DOCK4: variants seen among roughly 807,000 people sequenced by gnomAD.
The protein encoded by DOCK4 is dedicator of cytokinesis 4, also known as dedicator of cytokinesis protein 4.
Under a neutral mutation model 268.1 loss-of-function variants are expected in DOCK4, and 97 were observed. The ratio of observed to expected loss-of-function variants is 0.36; its 90% CI spans 0.31 to 0.43. The LOEUF (loss-of-function observed/expected upper bound fraction) is 0.43, where lower values mean the gene tolerates loss of function less well. DOCK4 is among the 20% of genes least tolerant of loss of function. The pLI is 1.00. For synonymous variants in DOCK4, 954 were observed against 887.2 expected (o/e 1.08, Z -1.34); for missense variants, 2,145 against 2,455.7 (o/e 0.87, Z 2.67).
At chr7:112,017,941 T>C (rs1277075288) in intron 1 of DOCK4, among the ~76,000 whole-genome samples, 1 of 151,646 alleles carries the variant, frequency 6.6e-6, no homozygotes, top group South Asian at 2.1e-4. Context: ...GCATTCATGG[T>C]TCTTCCTAAA....
chr7:112,197,934 C>G (rs1313142913), intron 1 of DOCK4, among the ~76,000 whole-genome samples: 6 of 102,022 alleles, frequency 5.9e-5, no homozygotes, highest in Non-Finnish European at 9.7e-5. Context: ...GGTGGCCAAA[C>G]AAAAATCTTC....
intron 1 of DOCK4, among the ~76,000 whole-genome samples, chr7:112,154,315 T>G (rs890396742): frequency 5.9e-5 from 9 of 152,258 alleles, no homozygotes; most frequent in Admixed American, 1.3e-4. Flanking sequence ...ATAAGTAATC[T>G]TTAAACAACA....
intron 1 of DOCK4, among the ~76,000 whole-genome samples, chr7:112,103,562 G>T (rs1418924425): frequency 1.3e-5 from 2 of 152,172 alleles, no homozygotes; most frequent in Non-Finnish European, 2.9e-5. Context: ...ATAGATTGGT[G>T]AAAGATGATC....
chr7:111,994,812 T>C lies in DOCK4; in HGVS notation c.219-581A>G, dbSNP rs374445905. Among the ~76,000 whole-genome samples, 23 of 152,300 alleles carry C rather than the reference T, an allele frequency of 1.5e-4. No homozygotes were observed. In the East Asian group the frequency reaches 4.3e-3, roughly 28 times the overall value. ...ATGATTAGTATTCTAAGTAATGTTATCATACAGCATAGAACTTATGGCTTA... is the reference window on the plus strand; with the variant it reads ...ATGATTAGTATTCTAAGTAATGTTACCATACAGCATAGAACTTATGGCTTA... On this transcript the variant is annotated intron_variant, in intron 4 of 52. Transcript: ENST00000428084.
At chr7:112,157,786 C>A (rs1816757418) in intron 1 of DOCK4, among the ~76,000 whole-genome samples, 1 of 152,108 alleles carries the variant, frequency 6.6e-6, no homozygotes, top group African/African-American at 2.4e-5. Flanking sequence ...AGGAGGAGTT[C>A]TTGGAAAAGC....
rs1268288674 is a variant in DOCK4, at chr7:111,728,397, C to A, written c.5805G>T (p.Ser1935=). ...LPHSLSIPVT[S]EPPALPPKPL... is the part of the protein sequence containing the mutation. ...GCTTGGGGGGCAGCGCGGGCGGCTC[C>A]GACGTGACGGGGATGGAGAGGCTGT... Residue 1935 remains serine (S), a synonymous_variant, in exon 53 of 53, where the codon TCG becomes TCT. Transcript: ENST00000428084. The A allele has an allele frequency of 1.3e-6, 2 of 1,560,842 alleles. No homozygotes were observed. The highest frequency in any genetic ancestry group is 1.7e-6 in the Non-Finnish European group (2 of 1,151,954).
At chr7:112,191,125 G>A (rs915740651) in intron 1 of DOCK4, among the ~76,000 whole-genome samples, 3 of 152,142 alleles carry the variant, frequency 2.0e-5, no homozygotes, top group Non-Finnish European at 4.4e-5. Flanking sequence ...TGTTGCCCAG[G>A]CTAGAGTGCA....
At chr7:112,006,610 TG>T (rs1800886616) in intron 1 of DOCK4, among the ~76,000 whole-genome samples, 1 of 152,252 alleles carries the variant, frequency 6.6e-6, no homozygotes, top group South Asian at 2.1e-4. Context: ...GGCCTTCAGA[TG>T]GTTCCTCTAT....
intron 7 of DOCK4, among the ~76,000 whole-genome samples, chr7:111,980,155 C>G (rs1443598019): frequency 6.6e-6 from 1 of 152,140 alleles, no homozygotes; most frequent in Non-Finnish European, 1.5e-5. Flanking sequence ...ATAAGCCTGC[C>G]TGACTCTACC....
At chr7:111,943,159 A>C (rs564719170) in intron 10 of DOCK4, among the ~76,000 whole-genome samples, 12 of 152,376 alleles carry the variant, frequency 7.9e-5, no homozygotes, top group African/African-American at 2.9e-4. Flanking sequence ...TCATTTGCCC[A>C]AAACTGAAGA....
chr7:111,794,591 G>T (rs982105902), intron 30 of DOCK4, among the ~76,000 whole-genome samples: 1 of 152,062 alleles, frequency 6.6e-6, no homozygotes, highest in Non-Finnish European at 1.5e-5. Flanking sequence ...GAGGGGCAAG[G>T]TTGTCAAATG....
At chr7:111,957,932 T>C (rs1173221258) in intron 8 of DOCK4, among the ~76,000 whole-genome samples, 1 of 151,702 alleles carries the variant, frequency 6.6e-6, no homozygotes, top group Admixed American at 6.6e-5. Context: ...TTTTATGTAC[T>C]TTTTTTAGCA....
At chr7:111,843,627 A>C (rs1308030832) in intron 25 of DOCK4, among the ~76,000 whole-genome samples, 1 of 152,238 alleles carries the variant, frequency 6.6e-6, no homozygotes, top group Non-Finnish European at 1.5e-5. Context: ...TATATATAGT[A>C]GAGCTACTAT....
At chr7:112,075,688 C>T (rs563759479) in intron 1 of DOCK4, among the ~76,000 whole-genome samples, 4 of 152,162 alleles carry the variant, frequency 2.6e-5, no homozygotes, top group African/African-American at 9.6e-5. Flanking sequence ...AGTACTTCAA[C>T]CTGGATGTAA....
chr7:111,833,126 A>G (rs1229430966), intron 26 of DOCK4, among the ~76,000 whole-genome samples: 1 of 152,240 alleles, frequency 6.6e-6, no homozygotes, highest in Non-Finnish European at 1.5e-5. Context: ...AACTGTGTTA[A>G]GAATACAGCT....
At chr7:111,820,016 A>C (rs2077583585) in intron 27 of DOCK4, 1 of 152,222 alleles carries the variant, frequency 6.6e-6, no homozygotes, top group Non-Finnish European at 1.5e-5. Context: ...TGTCCTTAAC[A>C]TCTTTCAGAA....
Position 111,989,099 on chromosome 7 carries a change from C to T in DOCK4, c.380G>A (p.Arg127Gln), listed in dbSNP as rs540082296. 9 of 1,614,014 alleles carry T rather than the reference C, an allele frequency of 5.6e-6. 1 individual carries two copies. In the South Asian group the frequency reaches 6.6e-5, roughly 12 times the overall value. The change falls in exon 6 of 53, where the codon CGG (arginine) becomes CAG (glutamine). Residue 127 changes from arginine (R) to glutamine (Q), a missense_variant. Physicochemically the swap from Arg to Gln is conservative, Grantham distance 43. Coordinates refer to ENST00000428084, the MANE Select transcript of DOCK4 (RefSeq NM_001363540.2). ...GGTGAGGTGGCCCACCAGCACCTGC[C>T]GCCTCAGGTCCAGGATTTCATTCAT... Reference protein sequence around the residue: ...HIMNEILDLRRQVLVGHLTHD... With the variant: ...HIMNEILDLRQQVLVGHLTHD...
At chr7:112,148,067 T>C (rs1222368677) in intron 1 of DOCK4, among the ~76,000 whole-genome samples, 1 of 152,054 alleles carries the variant, frequency 6.6e-6, no homozygotes, top group Non-Finnish European at 1.5e-5. Context: ...TCCAGCTTTC[T>C]AGTAAATTGT....
At chr7:111,784,421 T>G in intron 32 of DOCK4, 1 of 601,488 alleles carries the variant, frequency 1.7e-6, no homozygotes, top group Non-Finnish European at 3.1e-6. Context: ...GCAATTTTAC[T>G]GCAATGCAAC....
Sources: allele counts gnomAD v4.1 joint callset (sites outside exome capture counted in the v4.1 genomes callset), GRCh38; gene constraint gnomAD v4.1.1; transcripts MANE v1.5; gene names NCBI Gene and HGNC (gene_info 2026-07-23, HGNC 2026-07-21).